Variants in USP15 observed in about 807,000 individuals in gnomAD.
The protein encoded by USP15 is ubiquitin specific peptidase 15.
USP15 carries 18 observed loss-of-function variants against 127.1 expected under a neutral mutation model. The ratio of observed to expected loss-of-function variants is 0.14; its 90% CI spans 0.10 to 0.21. USP15 has a LOEUF of 0.21. Ranked by LOEUF, USP15 falls within the 10% of genes least tolerant of loss-of-function variation. USP15 has a pLI of 1.00. For synonymous variants in USP15, 364 were observed against 393.7 expected, an observed-to-expected ratio of 0.92 and a Z score of 0.89; for missense variants, 805 against 1,159.9, an observed-to-expected ratio of 0.69 and a Z score of 4.44.
At chr12:62,323,179 G>A (rs570513113) in intron 5 of USP15, among the ~76,000 whole-genome samples, 1 of 152,208 alleles carries the variant, frequency 6.6e-6, no homozygotes, top group Non-Finnish European at 1.5e-5. Context: ...AAAGATGTAT[G>A]TATATTTGTT....
At chr12:62,370,008 C>T (rs1282262400) in intron 8 of USP15, among the ~76,000 whole-genome samples, 2 of 152,152 alleles carry the variant, frequency 1.3e-5, no homozygotes, top group South Asian at 2.1e-4. Flanking sequence ...CGGAGTCTCG[C>T]TGTATCACCA....
chr12:62,313,786 CAA>C (rs941373288), intron 3 of USP15, among the ~76,000 whole-genome samples: 1 of 151,486 alleles, frequency 6.6e-6, no homozygotes, highest in Non-Finnish European at 1.5e-5. Flanking sequence ...ATATATATGA[CAA>C]AGTATCATAA....
Position 62,325,763 on chromosome 12 carries a change from TA to T in USP15, c.622-106del, listed in dbSNP as rs2065106797. On this transcript the variant is annotated intron_variant, in intron 5 of 21. Transcript: ENST00000280377. ...GTTCACCTTGTCTACTGTTTTCCTT[TA>T]AATAATCACAGAGTTACTTTAGTTT... The T allele has an allele frequency of 4.4e-6, 4 of 902,438 alleles. No homozygotes were observed. The Admixed American group carries it at 1.2e-4, about 27-fold the overall frequency. The allele number at this position is 902,438 out of a possible 1,614,324, so 55.9% of individuals were successfully genotyped here.
intron 6 of USP15, among the ~76,000 whole-genome samples, chr12:62,338,600 T>C (rs1350947905): frequency 6.6e-6 from 1 of 152,206 alleles, no homozygotes; most frequent in Non-Finnish European, 1.5e-5. Context: ...TAGGTTTTTA[T>C]GGTTTTGGGT....
chr12:62,383,706 G>T, intron 9 of USP15, 134 bp from the exon 10 acceptor site: 5 of 1,088,926 alleles, frequency 4.6e-6, no homozygotes, highest in Middle Eastern at 2.2e-4. Context: ...ATTGATTTTG[G>T]GGTTACAAAT....
chr12:62,384,048 C>T (rs866847497), intron 10 of USP15, 30 bp from the exon 11 acceptor site: 2 of 1,610,098 alleles, frequency 1.2e-6, no homozygotes, highest in African/African-American at 2.7e-5. Context: ...TGTGATACCT[C>T]TTTCTAATTT....
Position 62,339,251 on chromosome 12 carries a change from A to T in USP15, c.684-9970A>T, listed in dbSNP as rs190966643. ...TTGCACGTTGATTTTGTATCCTGAG[A>T]TTTTGCTGAAGTTGCTTATCAGGTT... is the stretch of plus-strand genomic sequence containing the variant. On this transcript the variant is annotated intron_variant, in intron 6 of 21. Transcript: ENST00000280377. Among the ~76,000 whole-genome samples the T allele has an allele frequency of 1.6e-4, 24 of 152,184 alleles. No homozygotes were observed. The East Asian group carries it at 4.4e-3, about 28-fold the overall frequency.
intron 8 of USP15, among the ~76,000 whole-genome samples, chr12:62,359,271 CTAATAAT>C (rs1339330026): frequency 4.9e-5 from 7 of 141,694 alleles, no homozygotes; most frequent in Admixed American, 4.2e-4. Flanking sequence ...ACATAAAAAA[CTAATAAT>C]ACAGATTAAG....
At chr12:62,339,031 A>T (rs567740051) in intron 6 of USP15, among the ~76,000 whole-genome samples, 3 of 152,050 alleles carry the variant, frequency 2.0e-5, no homozygotes, top group South Asian at 4.1e-4. Flanking sequence ...TTCAATGGGG[A>T]TAGCATTGAA....
chr12:62,349,194 T>C, intron 6 of USP15, 27 bp from the exon 7 acceptor site: 2 of 1,287,404 alleles, frequency 1.6e-6, no homozygotes, highest in Non-Finnish European at 2.1e-6. Context: ...TTTTTTTATC[T>C]AATTTAACAT....
intron 8 of USP15, among the ~76,000 whole-genome samples, chr12:62,378,275 AT>A (rs1374045048): frequency 6.6e-6 from 1 of 152,176 alleles, no homozygotes; most frequent in African/African-American, 2.4e-5. Context: ...AAAGGATGGT[AT>A]TTTTATGAGG....
chr12:62,331,790 G>T (rs1022822147), intron 6 of USP15, among the ~76,000 whole-genome samples: 4 of 152,136 alleles, frequency 2.6e-5, no homozygotes, highest in African/African-American at 4.8e-5. Context: ...AAAAAAATAT[G>T]TGTATATGCT....
At chr12:62,294,047 A>C in intron 1 of USP15, 132 bp from the exon 2 acceptor site, 1 of 883,140 alleles carries the variant, frequency 1.1e-6, no homozygotes, top group Non-Finnish European at 1.7e-6. Context: ...ACTAAGGGGC[A>C]TTACAGTTTT....
chr12:62,367,275 A>C (rs2066510684), intron 8 of USP15, among the ~76,000 whole-genome samples: 1 of 152,012 alleles, frequency 6.6e-6, no homozygotes, highest in Admixed American at 6.6e-5. Context: ...TCTGTCGCCC[A>C]GGCTGGAGTG....
intron 8 of USP15, among the ~76,000 whole-genome samples, chr12:62,365,178 T>C (rs2066437312): frequency 6.6e-6 from 1 of 152,194 alleles, no homozygotes; most frequent in African/African-American, 2.4e-5. Context: ...CCACCAACAG[T>C]GTAAAAGCAT....
chr12:62,299,832 T>C (rs2064252818), intron 2 of USP15, among the ~76,000 whole-genome samples: 1 of 152,228 alleles, frequency 6.6e-6, no homozygotes, highest in Non-Finnish European at 1.5e-5. Flanking sequence ...CACTTGTTCT[T>C]GTCTGTCCTT....
rs2065666222 is a variant in USP15 at position 62,342,104 on chromosome 12, ATTCC to A, written c.684-7114_684-7111del. On this transcript the variant is annotated intron_variant, in intron 6 of 21. Coordinates refer to ENST00000280377, the MANE Select transcript of USP15 (RefSeq NM_001252078.2). Reference sequence around the variant, plus strand: ...CCCATATTTCTTGGAGGCTTTGTTCATTCCTTTTCATTCTTTTTTCTCTAATCTT... The same window carrying A: ...CCCATATTTCTTGGAGGCTTTGTTCATTTTCATTCTTTTTTCTCTAATCTT... 2.6e-5 allele frequency among the ~76,000 whole-genome samples: 4 copies of A among 152,062 alleles called. No homozygotes were observed. The South Asian group carries it at 8.3e-4, about 32-fold the overall frequency.
chr12:62,278,058 T>C (rs1366343449), intron 1 of USP15, among the ~76,000 whole-genome samples: 1 of 152,208 alleles, frequency 6.6e-6, no homozygotes, highest in African/African-American at 2.4e-5. Context: ...ATATCCTTAT[T>C]CTATAAGCTT....
intron 6 of USP15, 152 bp downstream of exon 6, chr12:62,326,085 A>G (rs992353978): frequency 7.1e-5 from 43 of 605,688 alleles, no homozygotes; most frequent in Admixed American, 3.2e-4. Context: ...TATACAAGCT[A>G]TCTAAATTTG....
Sources: gnomAD v4.1 joint callset for allele counts (sites outside exome capture counted in the v4.1 genomes callset) on GRCh38, gnomAD v4.1.1 for gene constraint, MANE v1.5 for transcripts, NCBI Gene and HGNC (gene_info 2026-07-23, HGNC 2026-07-21) for gene names.